Variants in TTC6 observed in about 807,000 individuals in gnomAD.
TTC6 encodes the protein tetratricopeptide repeat domain 6.
In TTC6, 172 loss-of-function variants were observed where a neutral mutation model predicts 210.4. The ratio of observed to expected loss-of-function variants is 0.82; its 90% confidence interval spans 0.72 to 0.93. The LOEUF (loss-of-function observed/expected upper bound fraction) is 0.93, where lower values mean the gene tolerates loss of function less well. Among genes scored for constraint, TTC6 ranks in the 40% least tolerant of loss-of-function variants. TTC6 has a pLI of 0.00. For synonymous variants in TTC6, 804 were observed against 819.6 expected, an observed-to-expected ratio of 0.98 and a Z score of 0.32; for missense variants, 2,414 against 2,318.1, an observed-to-expected ratio of 1.04 and a Z score of -0.85.
rs1225263818 is a variant in TTC6 at position 37,657,065 on chromosome 14, A to G, written c.940-23086A>G. ...TCTCTATTAAAAATACTAAAAAATT[A>G]GCCAGGCGTAGTGGCGCATACCGGT... On this transcript the variant is annotated intron_variant, in intron 1 of 30. Transcript: ENST00000553443. 6.6e-5 allele frequency among the ~76,000 whole-genome samples: 10 copies of G among 152,064 alleles called. No homozygotes were observed. In the East Asian group the frequency reaches 1.8e-3, roughly 27 times the overall value.
chr14:37,760,996 C>T (rs2095982699), intron 14 of TTC6, among the ~76,000 whole-genome samples: 1 of 152,160 alleles, frequency 6.6e-6, no homozygotes, highest in Non-Finnish European at 1.5e-5. Context: ...GGCTCCCTGG[C>T]TTCAGCCCCC....
chr14:37,738,721 G>A (rs1192736001), intron 9 of TTC6, 55 bp from the exon 12 acceptor site: 16 of 1,324,530 alleles, frequency 1.2e-5, no homozygotes, highest in Non-Finnish European at 1.6e-5. Flanking sequence ...AATTTTGAAT[G>A]CATAGCAACT....
At chr14:37,604,967 G>A (rs1465436501) in intron 1 of TTC6, among the ~76,000 whole-genome samples, 2 of 152,182 alleles carry the variant, frequency 1.3e-5, no homozygotes, top group Non-Finnish European at 2.9e-5. Flanking sequence ...TTCCCTAAAA[G>A]TTTCTTCCTG....
At chr14:37,679,027 C>T (rs915368369) in intron 1 of TTC6, among the ~76,000 whole-genome samples, 3 of 151,974 alleles carry the variant, frequency 2.0e-5, no homozygotes, top group Admixed American at 6.6e-5. Context: ...TCAAGATCAG[C>T]CTGGGCAATG....
chr14:37,616,592 G>C (rs2095642991), intron 2 of TTC6, among the ~76,000 whole-genome samples: 1 of 152,138 alleles, frequency 6.6e-6, no homozygotes, highest in Non-Finnish European at 1.5e-5. Flanking sequence ...AGCTACTCAG[G>C]AGGCTGAGGC....
chr14:37,636,288 A>G (rs1246374095), intron 1 of TTC6, among the ~76,000 whole-genome samples: 1 of 152,184 alleles, frequency 6.6e-6, no homozygotes, highest in Non-Finnish European at 1.5e-5. Context: ...CTACATTTTT[A>G]GAATACTTTA....
intron 14 of TTC6, among the ~76,000 whole-genome samples, chr14:37,779,995 G>C (rs2096049659): frequency 6.6e-6 from 1 of 152,144 alleles, no homozygotes; most frequent in Non-Finnish European, 1.5e-5. Context: ...GGTGTGAGCT[G>C]ATGAAGGTCT....
At chr14:37,603,169 G>A (rs11624277) in intron 1 of TTC6, among the ~76,000 whole-genome samples, 1,718 of 152,278 alleles carry the variant, frequency 0.011, 21 homozygotes, top group Middle Eastern at 0.068. Context: ...TAGGATTGGG[G>A]TGGGGCAGCA....
At chr14:37,749,043 T>G in exon 11 of TTC6, 1 of 1,535,732 alleles carries the variant, frequency 6.5e-7, no homozygotes, top group East Asian at 2.4e-5. Flanking sequence ...TATTTAAATT[T>G]TGAAAAATTC....
chr14:37,649,721 A>G (rs1476149660), intron 1 of TTC6, among the ~76,000 whole-genome samples: 1 of 152,174 alleles, frequency 6.6e-6, no homozygotes, highest in Non-Finnish European at 1.5e-5. Context: ...ACATTGGTGG[A>G]TACTTCACAA....
At chr14:37,835,758 T>G (rs61978467) in intron 29 of TTC6, among the ~76,000 whole-genome samples, 55 of 152,328 alleles carry the variant, frequency 3.6e-4, no homozygotes, top group Non-Finnish European at 6.3e-4. Context: ...TGTAACAACA[T>G]TAAGTCCTCA....
At chr14:37,646,489 A>G (rs1038219032) in intron 1 of TTC6, among the ~76,000 whole-genome samples, 1 of 152,220 alleles carries the variant, frequency 6.6e-6, no homozygotes, top group Non-Finnish European at 1.5e-5. Flanking sequence ...AAGTAATACA[A>G]GAAGACATGA....
At chr14:37,737,509 G>A (rs898472601) in intron 8 of TTC6, 151 bp from the exon 11 acceptor site, 2 of 468,838 alleles carry the variant, frequency 4.3e-6, no homozygotes, top group Non-Finnish European at 7.4e-6. Flanking sequence ...TCTATATAAA[G>A]TCAGTGACTT....
chr14:37,599,866 C>T (rs1462528223), intron 1 of TTC6, among the ~76,000 whole-genome samples: 5 of 152,158 alleles, frequency 3.3e-5, no homozygotes, highest in African/African-American at 9.6e-5. Context: ...CCTGGGTCCC[C>T]GCGGCCGCGC....
chr14:37,793,027 G>A (rs1488428609), intron 17 of TTC6, among the ~76,000 whole-genome samples: 2 of 152,028 alleles, frequency 1.3e-5, no homozygotes, highest in Admixed American at 6.6e-5. Context: ...CAGAGATAAC[G>A]CTGTTAACTC....
At chr14:37,655,434 CTATTAA>C (rs1406405511) in intron 1 of TTC6, among the ~76,000 whole-genome samples, 3 of 152,134 alleles carry the variant, frequency 2.0e-5, no homozygotes, top group Non-Finnish European at 4.4e-5. Flanking sequence ...TGCTACCATG[CTATTAA>C]TGAGTCATGA....
intron 2 of TTC6, among the ~76,000 whole-genome samples, chr14:37,614,478 T>C (rs887600833): frequency 6.6e-6 from 1 of 152,110 alleles, no homozygotes; most frequent in African/African-American, 2.4e-5. Context: ...ATTTTTAAAC[T>C]TAAGAGAAAA....
At chr14:37,804,295 G>T (rs1566964592) in intron 20 of TTC6, among the ~76,000 whole-genome samples, 1 of 152,186 alleles carries the variant, frequency 6.6e-6, no homozygotes, top group African/African-American at 2.4e-5. Context: ...TTACTACCTA[G>T]TAGCTTCCCA....
chr14:37,768,346 T>C (rs2096006135), intron 14 of TTC6, among the ~76,000 whole-genome samples: 1 of 151,640 alleles, frequency 6.6e-6, no homozygotes, highest in Admixed American at 6.6e-5. Flanking sequence ...AGAAAGTCAT[T>C]GGTAGCTTGA....
Sources: gnomAD v4.1 joint callset for allele counts (sites outside exome capture counted in the v4.1 genomes callset) on GRCh38, gnomAD v4.1.1 for gene constraint, MANE v1.5 for transcripts, NCBI Gene and HGNC (gene_info 2026-07-23, HGNC 2026-07-21) for gene names.